Variants in TMED9 observed in about 807,000 individuals in gnomAD.
TMED9 encodes transmembrane p24 trafficking protein 9.
In TMED9, 22 loss-of-function variants were observed where a neutral mutation model predicts 30.6. That is an observed-to-expected ratio of 0.72 (90% CI 0.51 to 1.03). TMED9 has a LOEUF of 1.03. Ranked by LOEUF, TMED9 falls within the 50% of genes least tolerant of loss-of-function variation. The probability of loss-of-function intolerance (pLI) is 0.00; values close to 1 mark genes in which losing one functional copy is unlikely to be tolerated. For synonymous variants in TMED9, 146 were observed against 122.8 expected, an observed-to-expected ratio of 1.19 and a Z score of -1.25; for missense variants, 251 against 302.1, an observed-to-expected ratio of 0.83 and a Z score of 1.25.
intron 4 of TMED9, among the ~76,000 whole-genome samples, chr5:177,594,607 A>T (rs1046664606): frequency 1.3e-5 from 2 of 152,140 alleles, no homozygotes; most frequent in Non-Finnish European, 2.9e-5. Context: ...AGAGATTACC[A>T]TAAGTGAATC....
Position 177,592,242 on chromosome 5 carries a change from G to A in TMED9, c.28G>A (p.Val10Ile). The A allele has an allele frequency of 6.2e-7, 1 of 1,609,862 alleles. No homozygotes were observed. Among genetic ancestry groups the A allele is most frequent in the South Asian group, 1.1e-5 (1 of 90,442 alleles). ...GGCTGTGGAGCTGGGCGTGCTGCTC[G>A]TCCGGCCCCGGCCCGGAACCGGGCT... is the stretch of plus-strand genomic sequence containing the variant. The part of the protein sequence containing the change: MAVELGVLL[V>I]RPRPGTGLGR... Residue 10 changes from valine to isoleucine, a missense_variant, in exon 1 of 5, where the codon GTC becomes ATC. Val to Ile is a conservative substitution (Grantham distance 29). Around this residue, in one of 2 missense-constraint regions of TMED9, gnomAD observed 98 missense variants for 62.5 expected, o/e 1.57. Transcript: ENST00000332598.
chr5:177,594,041 T>G, intron 3 of TMED9, 98 bp from the exon 4 acceptor site: 1 of 1,508,484 alleles, frequency 6.6e-7, no homozygotes, highest in Non-Finnish European at 9.1e-7. Context: ...GTTGGCTAAA[T>G]GAACAGATGA....
In TMED9 at chr5:177,592,415, G is replaced by T. The variant is rs779891605; in HGVS notation, c.184+17G>T. The T allele has an allele frequency of 1.3e-6, 2 of 1,583,814 alleles. No individual in the cohort carries two copies. Among genetic ancestry groups the T allele is most frequent in the East Asian group, 2.3e-5 (1 of 43,546 alleles). On this transcript the variant is annotated intron_variant, in intron 1 of 4. Transcript: ENST00000332598. ...TGGTCATAGGTGCGGGGGCGGGGAG[G>T]AAGGGGCGAGTTTGGAACGTGACCG...
chr5:177,593,643 C>T lies in TMED9; in HGVS notation c.286-7C>T, dbSNP rs753877683. ...AATACTGACTGAAGCTTGTTACCTT[C>T]CTCCAGGTCATCCTGGCCCGGCAGT... On this transcript the variant is annotated splice_polypyrimidine_tract_variant and splice_region_variant and intron_variant, in intron 2 of 4. Transcript: ENST00000332598. 3.1e-6 allele frequency: 5 copies of T among 1,614,134 alleles called. No homozygotes were observed. The highest frequency in any genetic ancestry group is 1.1e-5 in the South Asian group (1 of 91,084).
intron 2 of TMED9, among the ~76,000 whole-genome samples, chr5:177,593,021 A>G (rs1449995685): frequency 6.6e-6 from 1 of 151,982 alleles, no homozygotes; most frequent in Non-Finnish European, 1.5e-5. Context: ...TAAAAAACTC[A>G]TGGCGGGGTG....
rs562068930 is a variant in TMED9 at position 177,594,128 on chromosome 5, T to G, written c.412-11T>G. 172 of 1,614,078 alleles carry G rather than the reference T, an allele frequency of 1.1e-4. 2 individuals are homozygous for G. In the South Asian group the frequency reaches 1.8e-3, roughly 17 times the overall value. On this transcript the variant is annotated splice_polypyrimidine_tract_variant and intron_variant, in intron 3 of 4. Coordinates refer to ENST00000332598, the MANE Select transcript of TMED9 (RefSeq NM_017510.6). ...TACCAGATTTCCCTTATCTCCTTTGTCTGTCCTCAGAGAGTTCACCTGGAC... is the reference window on the plus strand; with the variant it reads ...TACCAGATTTCCCTTATCTCCTTTGGCTGTCCTCAGAGAGTTCACCTGGAC...
chr5:177,592,920 C>T (rs1767617418), intron 2 of TMED9, among the ~76,000 whole-genome samples: 1 of 151,980 alleles, frequency 6.6e-6, no homozygotes. Context: ...TGATACTTTC[C>T]CCACAAAATG....
Position 177,596,964 on chromosome 5 carries a change from G to A in TMED9, c.*1548G>A, listed in dbSNP as rs1398688947. ...GTTGGGGGAGGCAAATGGGCAGGCA[G>A]TTTTGAGAAGAACCTTCTAATAAGA... On this transcript the variant is annotated 3_prime_UTR_variant, in exon 5 of 5. Coordinates refer to ENST00000332598, the MANE Select transcript of TMED9 (RefSeq NM_017510.6). Among the ~76,000 whole-genome samples, 2 of 152,178 alleles carry A rather than the reference G, an allele frequency of 1.3e-5. No homozygotes were observed. Among genetic ancestry groups the A allele is most frequent in the Admixed American group, 6.5e-5 (1 of 15,282 alleles).
rs181189763 is a variant in TMED9, at chr5:177,597,137, A to T, written c.*1721A>T. Among the ~76,000 whole-genome samples, 1,251 of 151,770 alleles carry T rather than the reference A, an allele frequency of 8.2e-3. 16 individuals carry two copies. Among genetic ancestry groups the T allele is most frequent in the African/African-American group, 0.029 (1,179 of 41,322 alleles). ...GAAAAAAAAAAGTTTTTTGGCGGGC[A>T]CGGTGGTTCACACCTGTAATCCCAG... is the stretch of plus-strand genomic sequence containing the variant. On this transcript the variant is annotated 3_prime_UTR_variant, in exon 5 of 5. Coordinates refer to ENST00000332598, the MANE Select transcript of TMED9 (RefSeq NM_017510.6).
chr5:177,594,098 A>G, intron 3 of TMED9, 41 bp from the exon 4 acceptor site: 2 of 1,610,656 alleles, frequency 1.2e-6, no homozygotes, highest in Non-Finnish European at 1.7e-6. Flanking sequence ...AAGATGGAGC[A>G]GGGCTACCAG....
chr5:177,594,318 C>T (rs776867728), intron 4 of TMED9, 33 bp downstream of exon 4: 23 of 1,609,148 alleles, frequency 1.4e-5, no homozygotes, highest in Non-Finnish European at 2.0e-5. Flanking sequence ...GTGGGCTTCT[C>T]CCTAGAAGCT....
chr5:177,595,094 G>A (rs532004461), intron 4 of TMED9, among the ~76,000 whole-genome samples, 173 bp from the exon 5 acceptor site: 1 of 152,310 alleles, frequency 6.6e-6, no homozygotes, highest in African/African-American at 2.4e-5. Flanking sequence ...AACAGACTTG[G>A]GAGAATGAGT....
chr5:177,592,574 G>T lies in TMED9; in HGVS notation c.185-1G>T. ...CCTGGGCTCGCCCTGCTTCCCTCAA[G>T]GAAACTACCGGACGCAGCTGTATGA... On this transcript the variant is annotated splice_acceptor_variant, in intron 1 of 4. Transcript: ENST00000332598. LOFTEE classifies it high-confidence loss of function. The T allele has an allele frequency of 6.2e-7, 1 of 1,612,592 alleles. No homozygotes were observed. The highest frequency in any genetic ancestry group is 8.5e-7 in the Non-Finnish European group (1 of 1,179,374).
intron 2 of TMED9, 68 bp from the exon 3 acceptor site, chr5:177,593,582 T>G: frequency 6.3e-7 from 1 of 1,594,634 alleles, no homozygotes; most frequent in Non-Finnish European, 8.6e-7. Context: ...ACTTAGAGCC[T>G]TAAGCACTGT....
rs1767699868 is a variant in TMED9, at chr5:177,596,901, C to CA, written c.*1486dup. Among the ~76,000 whole-genome samples, 1 of 152,104 alleles carries CA rather than the reference C, an allele frequency of 6.6e-6. No homozygotes were observed. The highest frequency in any genetic ancestry group is 1.5e-5 in the Non-Finnish European group (1 of 68,026). On this transcript the variant is annotated 3_prime_UTR_variant, in exon 5 of 5. Coordinates refer to ENST00000332598, the MANE Select transcript of TMED9 (RefSeq NM_017510.6). Reference sequence around the variant, plus strand: ...GAGCCCTACTGGCACCTCAGAATCACAGTGTTATTGATCAGGGATGTGAGG... The same window carrying CA: ...GAGCCCTACTGGCACCTCAGAATCACAAGTGTTATTGATCAGGGATGTGAGG...
intron 3 of TMED9, 148 bp downstream of exon 3, chr5:177,593,923 GTGAC>G: frequency 1.6e-6 from 2 of 1,278,260 alleles, no homozygotes; most frequent in Non-Finnish European, 2.2e-6. Context: ...CCAGGACACA[GTGAC>G]TGAGCTCTTT....
chr5:177,592,566 T>C lies in TMED9; in HGVS notation c.185-9T>C. 2 of 1,611,328 alleles carry C rather than the reference T, an allele frequency of 1.2e-6. No homozygotes were observed. The highest frequency in any genetic ancestry group is 1.7e-6 in the Non-Finnish European group (2 of 1,178,756). Reference sequence around the variant, plus strand: ...TCCTCTGACCTGGGCTCGCCCTGCTTCCCTCAAGGAAACTACCGGACGCAG... The same window carrying C: ...TCCTCTGACCTGGGCTCGCCCTGCTCCCCTCAAGGAAACTACCGGACGCAG... On this transcript the variant is annotated splice_polypyrimidine_tract_variant and intron_variant, in intron 1 of 4. Transcript: ENST00000332598.
intron 2 of TMED9, chr5:177,593,155 C>CAA (rs56909658): frequency 1.9e-4 from 18 of 95,714 alleles, no homozygotes; most frequent in African/African-American, 6.6e-4. Context: ...AGTAAAAATA[C>CAA]AAAAAAAAAA....
In TMED9 at chr5:177,592,218, G is replaced by C. The variant is rs752312604; in HGVS notation, c.4G>C (p.Ala2Pro). The C allele has an allele frequency of 6.8e-5, 109 of 1,602,336 alleles. No homozygotes were observed. Among genetic ancestry groups the C allele is most frequent in the Non-Finnish European group, 5.3e-5 (62 of 1,175,624 alleles). Residue 2 changes from alanine (A) to proline (P), a missense_variant, in exon 1 of 5, where the codon GCT becomes CCT. Around this residue, in one of 2 missense-constraint regions of TMED9, gnomAD observed 98 missense variants for 62.5 expected, o/e 1.57. Coordinates refer to ENST00000332598, the MANE Select transcript of TMED9 (RefSeq NM_017510.6). M[A>P]VELGVLLVRP... ...CTGCGCAGGCAGGTGGAGCAAGATG[G>C]CTGTGGAGCTGGGCGTGCTGCTCGT... is the stretch of plus-strand genomic sequence containing the variant.
Sources: gnomAD v4.1 joint callset for allele counts (sites outside exome capture counted in the v4.1 genomes callset) on GRCh38, gnomAD v4.1.1 for gene constraint, gnomAD v4.1.1 regional missense constraint, MANE v1.5 for transcripts, NCBI Gene and HGNC (gene_info 2026-07-23, HGNC 2026-07-21) for gene names.